Variants in SLC6A6 observed in about 807,000 individuals in gnomAD.
SLC6A6 encodes the protein sodium- and chloride-dependent taurine transporter.
In SLC6A6, 16 loss-of-function variants were observed where a neutral mutation model predicts 68.8. That is an observed-to-expected ratio of 0.23 (90% CI 0.16 to 0.35). SLC6A6 has a LOEUF of 0.35. Ranked by LOEUF, SLC6A6 falls within the 10% of genes least tolerant of loss-of-function variation. The pLI is 1.00. For missense variants in SLC6A6, 474 were observed against 802.8 expected (o/e 0.59, Z 4.95); for synonymous variants, 312 against 315.4 (o/e 0.99, Z 0.12).
At chr3:14,426,229 C>T (rs888863120) in intron 2 of SLC6A6, among the ~76,000 whole-genome samples, 18 of 152,194 alleles carry the variant, frequency 1.2e-4, no homozygotes, top group African/African-American at 3.4e-4. Context: ...CAGTGGTTAC[C>T]GATCCAGACT....
chr3:14,445,903 AT>A, intron 4 of SLC6A6, 52 bp downstream of exon 4: 1 of 1,592,670 alleles, frequency 6.3e-7, no homozygotes, highest in Non-Finnish European at 8.6e-7. Context: ...AGTTCCACAC[AT>A]TTTTATTGAG....
At chr3:14,478,296 T>C (rs561643638) in intron 11 of SLC6A6, among the ~76,000 whole-genome samples, 170 bp from the exon 12 acceptor site, 102 of 152,358 alleles carry the variant, frequency 6.7e-4, no homozygotes, top group Middle Eastern at 3.4e-3. Flanking sequence ...TAATTACATT[T>C]GTCAAACATG....
chr3:14,438,385 A>G (rs1171642270), intron 2 of SLC6A6, among the ~76,000 whole-genome samples: 1 of 152,206 alleles, frequency 6.6e-6, no homozygotes, highest in Admixed American at 6.5e-5. Flanking sequence ...TCTGGGTCAC[A>G]CAGCTTAGTC....
chr3:14,444,072 A>C, intron 3 of SLC6A6: 1 of 554,818 alleles, frequency 1.8e-6, no homozygotes, highest in Non-Finnish European at 3.3e-6. Flanking sequence ...ACTGTTCTGC[A>C]GGGCCTTTCT....
intron 14 of SLC6A6, among the ~76,000 whole-genome samples, chr3:14,482,646 C>T (rs1701034573): frequency 6.6e-6 from 1 of 152,150 alleles, no homozygotes; most frequent in African/African-American, 2.4e-5. Flanking sequence ...CTGTTTCCTC[C>T]TGGGCAGGGG....
intron 1 of SLC6A6, among the ~76,000 whole-genome samples, chr3:14,413,027 C>T (rs1312825962): frequency 6.6e-6 from 1 of 152,214 alleles, no homozygotes; most frequent in African/African-American, 2.4e-5. Flanking sequence ...CTTTTCAAGG[C>T]AGCCAAGTCG....
chr3:14,432,413 G>T (rs1036417420), intron 2 of SLC6A6, among the ~76,000 whole-genome samples: 19 of 152,266 alleles, frequency 1.2e-4, no homozygotes, highest in African/African-American at 3.4e-4. Context: ...TCCTGTCGCT[G>T]GTGAGTCAGT....
chr3:14,445,466 A>G (rs527582303), intron 3 of SLC6A6, among the ~76,000 whole-genome samples: 5 of 151,532 alleles, frequency 3.3e-5, no homozygotes, highest in Non-Finnish European at 5.9e-5. Flanking sequence ...AAGAAAGAAA[A>G]AAAAGAAGGC....
chr3:14,441,559 A>G (rs1364185936), intron 2 of SLC6A6, among the ~76,000 whole-genome samples: 1 of 152,134 alleles, frequency 6.6e-6, no homozygotes, highest in African/African-American at 2.4e-5. Context: ...TAGTGAAACA[A>G]TTGGGGTCCC....
rs1361113334 is a variant in SLC6A6 at position 14,450,439 on chromosome 3, A to G, written c.599+2623A>G. Among the ~76,000 whole-genome samples, 2 of 152,118 alleles carry G rather than the reference A, an allele frequency of 1.3e-5. No homozygotes were observed. The highest frequency in any genetic ancestry group is 2.9e-5 in the Non-Finnish European group (2 of 68,014). On this transcript the variant is annotated intron_variant, in intron 5 of 14. Coordinates refer to ENST00000622186, the MANE Select transcript of SLC6A6 (RefSeq NM_003043.6). The surrounding 1 kb of genome is among the most constrained non-coding windows in gnomAD (Gnocchi z 4.1). ...CTTCCCAAGCTTCTGCATGATCCAG[A>G]TGGATTTGCTCTGTCCAAAGAACCC...
intron 5 of SLC6A6, among the ~76,000 whole-genome samples, chr3:14,451,583 G>A (rs1700252091): frequency 6.6e-6 from 1 of 152,154 alleles, no homozygotes; most frequent in African/African-American, 2.4e-5. Context: ...AACCATAGAA[G>A]GTATATGAGA....
intron 1 of SLC6A6, among the ~76,000 whole-genome samples, chr3:14,410,832 T>A (rs1699237475): frequency 6.6e-6 from 1 of 152,170 alleles, no homozygotes; most frequent in Admixed American, 6.5e-5. Context: ...TGCCAGTTGC[T>A]TGGTTGGAGG....
chr3:14,466,759 G>T, intron 7 of SLC6A6, 109 bp downstream of exon 7: 1 of 1,097,950 alleles, frequency 9.1e-7, no homozygotes, highest in East Asian at 2.5e-5. Context: ...TGGTTCTTCA[G>T]TGCACAGGTC....
chr3:14,417,251 T>C (rs1407711972), intron 2 of SLC6A6, among the ~76,000 whole-genome samples: 2 of 152,234 alleles, frequency 1.3e-5, no homozygotes, highest in Non-Finnish European at 2.9e-5. Context: ...AGTATTACAG[T>C]GGCCTCGCAT....
intron 2 of SLC6A6, among the ~76,000 whole-genome samples, chr3:14,434,004 C>A (rs1374758213): frequency 2.0e-5 from 3 of 152,070 alleles, no homozygotes; most frequent in Admixed American, 2.0e-4. Context: ...CCTTGGGGGC[C>A]CCGTCCCCTC....
chr3:14,418,769 C>T (rs1304275137), intron 2 of SLC6A6, among the ~76,000 whole-genome samples: 1 of 152,206 alleles, frequency 6.6e-6, no homozygotes, highest in African/African-American at 2.4e-5. Flanking sequence ...TCCTCAGGAG[C>T]CTTGTGAGGT....
At chr3:14,430,230 G>C (rs1699690991) in intron 2 of SLC6A6, among the ~76,000 whole-genome samples, 1 of 152,156 alleles carries the variant, frequency 6.6e-6, no homozygotes, top group Non-Finnish European at 1.5e-5. Context: ...TAGGCAGCTG[G>C]GAGTCACTGA....
intron 6 of SLC6A6, among the ~76,000 whole-genome samples, chr3:14,460,700 C>T (rs113976200): frequency 5.3e-5 from 8 of 152,370 alleles, no homozygotes; most frequent in African/African-American, 9.6e-5. Context: ...TGATCTTCCA[C>T]GGGTCCTCCC....
chr3:14,424,801 G>A (rs1439419413), intron 2 of SLC6A6, among the ~76,000 whole-genome samples: 7 of 152,184 alleles, frequency 4.6e-5, no homozygotes, highest in Admixed American at 4.6e-4. Flanking sequence ...CCACTCTAAC[G>A]AGGTGTCTAA....
Sources: allele counts gnomAD v4.1 joint callset (sites outside exome capture counted in the v4.1 genomes callset), GRCh38; gene constraint gnomAD v4.1.1; non-coding constraint Gnocchi (gnomAD v3.1); transcripts MANE v1.5; gene names NCBI Gene and HGNC (gene_info 2026-07-23, HGNC 2026-07-21).